USH2A: variants seen among roughly 807,000 people sequenced by gnomAD.
The protein encoded by USH2A is usherin.
USH2A carries 443 observed loss-of-function variants against 538.9 expected under a neutral mutation model. That is an observed-to-expected ratio of 0.82 (90% CI 0.76 to 0.89). The LOEUF is 0.89. USH2A is among the 40% of genes least tolerant of loss of function. USH2A has a pLI of 0.00. For synonymous variants in USH2A, 2,413 were observed against 2,273.5 expected (o/e 1.06, Z -1.75); for missense variants, 6,633 against 6,324.8 (o/e 1.05, Z -1.65).
chr1:216,226,967 T>G (rs2035575100), intron 14 of USH2A, among the ~76,000 whole-genome samples: 1 of 152,186 alleles, frequency 6.6e-6, no homozygotes, highest in African/African-American at 2.4e-5. Context: ...ATCAATGCAC[T>G]GGTCTCTCCA....
intron 9 of USH2A, among the ~76,000 whole-genome samples, chr1:216,308,120 T>C (rs1410124526): frequency 1.3e-5 from 2 of 152,190 alleles, no homozygotes; most frequent in Non-Finnish European, 2.9e-5. Flanking sequence ...GTTTCTTCTT[T>C]CTATTTGTAT....
rs1190115212 is a variant in USH2A, at chr1:216,058,630, T to C, written c.6050-9983A>G. Among the ~76,000 whole-genome samples, 3 of 127,220 alleles carry C rather than the reference T, an allele frequency of 2.4e-5. 1 individual carries two copies. The highest frequency in any genetic ancestry group is 5.1e-5 in the Non-Finnish European group (3 of 58,536). 83.5% of individuals were successfully genotyped at this position (127,220 alleles called of 152,430 possible). A position where few individuals can be genotyped will look rare whatever the true frequency, so the allele number is the denominator to read the frequency against. On this transcript the variant is annotated intron_variant, in intron 30 of 71. Coordinates refer to ENST00000307340, the MANE Select transcript of USH2A (RefSeq NM_206933.4). Reference sequence around the variant, plus strand: ...ACCCTACCAACATATTTTTTTTCTATTGGGAAATGTGTATTAAGTTCCAAA... The same window carrying C: ...ACCCTACCAACATATTTTTTTTCTACTGGGAAATGTGTATTAAGTTCCAAA...
At chr1:216,273,093 G>T (rs1414046224) in intron 11 of USH2A, among the ~76,000 whole-genome samples, 2 of 152,070 alleles carry the variant, frequency 1.3e-5, no homozygotes, top group Admixed American at 1.3e-4. Flanking sequence ...AAGCAGGTAG[G>T]AACACACCAC....
intron 56 of USH2A, among the ~76,000 whole-genome samples, chr1:215,765,824 C>T (rs1661113267): frequency 6.6e-6 from 1 of 152,074 alleles, no homozygotes; most frequent in Non-Finnish European, 1.5e-5. Flanking sequence ...TTCTTTTATA[C>T]TGGTGCATGG....
chr1:216,136,445 A>G (rs2033487937), intron 21 of USH2A, among the ~76,000 whole-genome samples: 1 of 152,190 alleles, frequency 6.6e-6, no homozygotes, highest in Non-Finnish European at 1.5e-5. Flanking sequence ...TATATTAAAT[A>G]GATTAAATGT....
chr1:216,050,572 CTTT>C (rs1558231717), intron 30 of USH2A, among the ~76,000 whole-genome samples: 13 of 39,154 alleles, frequency 3.3e-4, no homozygotes, highest in Admixed American at 8.0e-4. Context: ...TTCTTTCTTT[CTTT>C]CTTTCTTTCT....
chr1:215,921,647 C>G (rs559759264), intron 38 of USH2A, among the ~76,000 whole-genome samples: 1 of 152,014 alleles, frequency 6.6e-6, no homozygotes, highest in Non-Finnish European at 1.5e-5. Context: ...TATAGTTCTA[C>G]AGTCAGTAGA....
At chr1:216,165,025 C>A (rs1352924427) in intron 21 of USH2A, among the ~76,000 whole-genome samples, 1 of 152,142 alleles carries the variant, frequency 6.6e-6, no homozygotes, top group Non-Finnish European at 1.5e-5. Flanking sequence ...CCAGAACCTG[C>A]ACCATTTACT....
At chr1:216,196,757 A>G in intron 18 of USH2A, 35 bp from the exon 19 acceptor site, 1 of 1,599,324 alleles carries the variant, frequency 6.3e-7, no homozygotes, top group Non-Finnish European at 8.5e-7. Flanking sequence ...ACATCAAAAC[A>G]ATGAATGTCG....
At chr1:215,976,476 G>A (rs1667622383) in intron 35 of USH2A, among the ~76,000 whole-genome samples, 1 of 152,082 alleles carries the variant, frequency 6.6e-6, no homozygotes, top group South Asian at 2.1e-4. Context: ...TTATTTTGAA[G>A]TATGTTCTTT....
intron 44 of USH2A, among the ~76,000 whole-genome samples, chr1:215,858,073 T>G (rs1664219397): frequency 6.6e-6 from 1 of 152,192 alleles, no homozygotes; most frequent in African/African-American, 2.4e-5. Flanking sequence ...TGAGTTACAG[T>G]TATACAATAT....
rs1417649233 is a variant in USH2A, at chr1:215,625,112, A to G, written c.*669T>C. On this transcript the variant is annotated 3_prime_UTR_variant, in exon 72 of 72. Coordinates refer to ENST00000307340, the MANE Select transcript of USH2A (RefSeq NM_206933.4). The stretch of plus-strand genomic sequence containing the variant: ...CCTTAGATTTTTGGAAAATTCATAA[A>G]TGCAAGAACAGAGACATTTATGTGT... 1.3e-5 allele frequency: 2 copies of G among 152,380 alleles called. No homozygotes were observed. The highest frequency in any genetic ancestry group is 2.1e-4 in the South Asian group (1 of 4,842). The allele number at this position is 152,380 out of a possible 1,614,324, so 9.4% of individuals were successfully genotyped here. A position where few individuals can be genotyped will look rare whatever the true frequency, so the allele number is the denominator to read the frequency against.
chr1:216,341,869 G>T (rs962711104), intron 4 of USH2A, among the ~76,000 whole-genome samples: 6 of 152,050 alleles, frequency 3.9e-5, no homozygotes, highest in Admixed American at 3.9e-4. Context: ...AGACTTAATT[G>T]CAAAACCCAA....
intron 37 of USH2A, among the ~76,000 whole-genome samples, chr1:215,945,181 G>A (rs988707610): frequency 2.4e-4 from 36 of 152,084 alleles, no homozygotes; most frequent in Non-Finnish European, 5.1e-4. Context: ...GTAAAGCAAA[G>A]AGAGTTTGAT....
chr1:216,286,401 C>A (rs1558365139), intron 11 of USH2A, among the ~76,000 whole-genome samples: 1 of 152,108 alleles, frequency 6.6e-6, no homozygotes, highest in Non-Finnish European at 1.5e-5. Flanking sequence ...GATTGTGAGG[C>A]CTTCCCAGCC....
At chr1:215,838,872 C>G (rs143049822) in intron 46 of USH2A, among the ~76,000 whole-genome samples, 71 of 152,260 alleles carry the variant, frequency 4.7e-4, no homozygotes, top group African/African-American at 1.6e-3. Context: ...AGAAACTGTA[C>G]TTTTTACAGT....
intron 14 of USH2A, among the ~76,000 whole-genome samples, chr1:216,231,269 TA>T: frequency 8.8e-6 from 1 of 113,632 alleles, no homozygotes; most frequent in African/African-American, 3.1e-5. Flanking sequence ...AATATATATA[TA>T]TAATATATAT....
Position 216,146,043 on chromosome 1 carries a change from C to T in USH2A, c.4627+29209G>A, listed in dbSNP as rs1040428886. ...CTGTTTGGTGGTCTCTTCACACGGA[C>T]GCGCATGAAATTTGGTGCTGTGACT... On this transcript the variant is annotated intron_variant, in intron 21 of 71. Coordinates refer to ENST00000307340, the MANE Select transcript of USH2A (RefSeq NM_206933.4). 9.8e-5 allele frequency among the ~76,000 whole-genome samples: 15 copies of T among 152,306 alleles called. No individual in the cohort carries two copies. In the East Asian group the frequency reaches 1.4e-3, roughly 14 times the overall value.
intron 64 of USH2A, among the ~76,000 whole-genome samples, chr1:215,652,459 G>T (rs1657113459): frequency 6.6e-6 from 1 of 152,228 alleles, no homozygotes; most frequent in Non-Finnish European, 1.5e-5. Context: ...TTAGGTGAGG[G>T]AGGTTTGTTT....
Sources: gnomAD v4.1 joint callset for allele counts (sites outside exome capture counted in the v4.1 genomes callset) on GRCh38, gnomAD v4.1.1 for gene constraint, MANE v1.5 for transcripts, NCBI Gene and HGNC (gene_info 2026-07-23, HGNC 2026-07-21) for gene names.